SGMS2: variants seen among roughly 807,000 people sequenced by gnomAD.
SGMS2 encodes sphingomyelin synthase 2, also known as phosphatidylcholine:ceramide cholinephosphotransferase 2.
A neutral mutation model predicts 43.8 loss-of-function variants in SGMS2; 21 were observed. The ratio of observed to expected loss-of-function variants is 0.48; its 90% confidence interval spans 0.34 to 0.69. The LOEUF is 0.69. Among genes scored for constraint, SGMS2 ranks in the 30% least tolerant of loss-of-function variants. The pLI is 0.01. For missense variants in SGMS2, 384 were observed against 443.2 expected (o/e 0.87, Z 1.20); for synonymous variants, 167 against 160.6 (o/e 1.04, Z -0.30).
At chr4:107,828,647 A>G (rs915700505) in intron 1 of SGMS2, among the ~76,000 whole-genome samples, 2 of 152,242 alleles carry the variant, frequency 1.3e-5, no homozygotes, top group African/African-American at 4.8e-5. Context: ...ATGTCTGTGT[A>G]CACATTCTTG....
intron 4 of SGMS2, 96 bp from the exon 5 acceptor site, chr4:107,903,137 C>A: frequency 8.3e-7 from 1 of 1,198,684 alleles, no homozygotes; most frequent in Non-Finnish European, 1.2e-6. Context: ...AAAAAAAAAT[C>A]ACAACCTGGT....
rs143910950 is a variant in SGMS2 at position 107,914,496 on chromosome 4, G to A, written c.*3943G>A. 6.6e-6 allele frequency: 1 copy of A among 152,144 alleles called. No homozygotes were observed. The highest frequency in any genetic ancestry group is 2.4e-5 in the African/African-American group (1 of 41,528). The allele number at this position is 152,144 out of a possible 1,614,324, so 9.4% of individuals were successfully genotyped here. A position where few individuals can be genotyped will look rare whatever the true frequency, so the allele number is the denominator to read the frequency against. On this transcript the variant is annotated 3_prime_UTR_variant, in exon 7 of 7. Coordinates refer to ENST00000690982, the MANE Select transcript of SGMS2 (RefSeq NM_001375905.1). ...ATTCACAAAAGAAATATTATTACAA[G>A]GTTTCAGAGGTAGCCAATTGCATTC... is the stretch of plus-strand genomic sequence containing the variant.
rs537350997 is a variant in SGMS2 at position 107,827,436 on chromosome 4, G to A, written c.-327+2183G>A. On this transcript the variant is annotated intron_variant, in intron 1 of 6. Transcript: ENST00000690982. ...GGAGTCAAAAAAGGAGAGTGCTGGG[G>A]ACTTGGGAAGAGACAAGAAGTGATT... is the stretch of plus-strand genomic sequence containing the variant. Among the ~76,000 whole-genome samples the A allele has an allele frequency of 5.3e-5, 8 of 152,240 alleles. No individual in the cohort carries two copies. In the South Asian group the frequency reaches 1.7e-3, roughly 32 times the overall value.
At chr4:107,872,923 A>C (rs1728652427) in intron 2 of SGMS2, among the ~76,000 whole-genome samples, 1 of 152,174 alleles carries the variant, frequency 6.6e-6, no homozygotes, top group Admixed American at 6.6e-5. Context: ...ATCCAGAATC[A>C]CTTATCCACA....
chr4:107,869,544 G>T (rs1287002659), intron 2 of SGMS2, among the ~76,000 whole-genome samples: 2 of 152,108 alleles, frequency 1.3e-5, no homozygotes, highest in South Asian at 4.1e-4. Flanking sequence ...GATGTCAGAA[G>T]GACATGCCAC....
At chr4:107,840,992 A>G (rs1013603483) in intron 1 of SGMS2, among the ~76,000 whole-genome samples, 1 of 152,216 alleles carries the variant, frequency 6.6e-6, no homozygotes, top group East Asian at 1.9e-4. Context: ...TGTGGTCCCT[A>G]CCATCATGGA....
chr4:107,885,284 A>C (rs1729661021), intron 2 of SGMS2, among the ~76,000 whole-genome samples: 2 of 152,204 alleles, frequency 1.3e-5, no homozygotes, highest in South Asian at 4.1e-4. Flanking sequence ...ATTTAAAATT[A>C]GAAAATGATT....
At chr4:107,841,111 C>T (rs1379210114) in intron 1 of SGMS2, among the ~76,000 whole-genome samples, 2 of 152,170 alleles carry the variant, frequency 1.3e-5, no homozygotes, top group African/African-American at 4.8e-5. Context: ...GAGAGACCCA[C>T]TTTAAAGAGT....
In SGMS2 at chr4:107,903,342, G is replaced by A. The variant is rs780753323; in HGVS notation, c.683G>A (p.Gly228Asp). ...TTATGTGGAGACTTCCTCTTCAGCG[G>A]TCACACGGTTACGCTGACACTGACT... is the stretch of plus-strand genomic sequence containing the variant. Reference protein sequence around the residue: ...HILCGDFLFSGHTVTLTLTYL... With the variant: ...HILCGDFLFSDHTVTLTLTYL... The change falls in exon 5 of 7, where the codon GGT (glycine) becomes GAT (aspartate). Residue 228 changes from glycine to aspartate, a missense_variant. Physicochemically the swap from Gly to Asp is moderately conservative, Grantham distance 94 (BLOSUM62 -1). Coordinates refer to ENST00000690982, the MANE Select transcript of SGMS2 (RefSeq NM_001375905.1). The A allele has an allele frequency of 1.9e-6, 3 of 1,613,880 alleles. No individual in the cohort carries two copies. Among genetic ancestry groups the A allele is most frequent in the Non-Finnish European group, 2.5e-6 (3 of 1,179,822 alleles).
intron 5 of SGMS2, among the ~76,000 whole-genome samples, chr4:107,905,161 G>GT (rs2126148987): frequency 6.6e-6 from 1 of 152,302 alleles, no homozygotes; most frequent in Non-Finnish European, 1.5e-5. Flanking sequence ...AGAAAAAGTG[G>GT]TTTAGTGGAC....
chr4:107,904,753 A>G (rs1174258116), intron 5 of SGMS2, among the ~76,000 whole-genome samples: 1 of 152,106 alleles, frequency 6.6e-6, no homozygotes, highest in East Asian at 1.9e-4. Flanking sequence ...TCTTCCTTAA[A>G]TTTAGTCACT....
intron 1 of SGMS2, among the ~76,000 whole-genome samples, chr4:107,828,011 A>G (rs551548992): frequency 6.6e-6 from 1 of 152,072 alleles, no homozygotes; most frequent in Non-Finnish European, 1.5e-5. Flanking sequence ...AAAACAAAAA[A>G]AGATTTATTT....
chr4:107,890,167 T>A (rs1163371879), intron 2 of SGMS2, among the ~76,000 whole-genome samples: 1 of 152,180 alleles, frequency 6.6e-6, no homozygotes, highest in Non-Finnish European at 1.5e-5. Flanking sequence ...GTTTAAAAGC[T>A]GAGATGAACT....
At position 107,845,445 on chromosome 4, in the gene SGMS2, C is replaced by T. The variant is rs552755691; in HGVS notation, c.-326-13027C>T. On this transcript the variant is annotated intron_variant, in intron 1 of 6. Transcript: ENST00000690982. ...TTCCTCTGTTGTGTGTGGTTTGTAC[C>T]CCAACATTCTCAACATAATCAGCTG... Among the ~76,000 whole-genome samples, 22 of 152,194 alleles carry T rather than the reference C, an allele frequency of 1.4e-4. 1 individual carries two copies. The South Asian group carries it at 3.7e-3, about 26-fold the overall frequency.
chr4:107,899,647 T>C lies in SGMS2; in HGVS notation c.528T>C (p.Val176=), dbSNP rs1217742744. 1 of 1,613,372 alleles carries C rather than the reference T, an allele frequency of 6.2e-7. No homozygotes were observed. The change falls in exon 4 of 7, where the codon GTT becomes GTC. Residue 176 remains valine, a synonymous_variant. Coordinates refer to ENST00000690982, the MANE Select transcript of SGMS2 (RefSeq NM_001375905.1). ...LYLYRCITMY[V]TTLPVPGMHF... is the part of the protein sequence containing the mutation. ...TGTATCGCTGCATTACAATGTATGT[T>C]ACTACTCTACCTGTGCCTGGAATGC... is the stretch of plus-strand genomic sequence containing the variant.
intron 2 of SGMS2, among the ~76,000 whole-genome samples, chr4:107,870,605 A>G (rs1200400277): frequency 1.3e-5 from 2 of 152,174 alleles, no homozygotes; most frequent in South Asian, 2.1e-4. Flanking sequence ...GATTTCCTCT[A>G]AAGTATAGAT....
intron 1 of SGMS2, among the ~76,000 whole-genome samples, chr4:107,855,337 A>C (rs755085647): frequency 1.9e-4 from 29 of 152,132 alleles, no homozygotes; most frequent in Non-Finnish European, 1.3e-4. Context: ...TGGTGCTATA[A>C]AATTCCCTCG....
chr4:107,834,649 A>T (rs958838997), intron 1 of SGMS2, among the ~76,000 whole-genome samples: 2 of 152,214 alleles, frequency 1.3e-5, no homozygotes, highest in African/African-American at 4.8e-5. Context: ...AAAAGGTGAC[A>T]TCATTCATTG....
At chr4:107,899,063 T>A (rs1467698785) in intron 3 of SGMS2, among the ~76,000 whole-genome samples, 1 of 152,216 alleles carries the variant, frequency 6.6e-6, no homozygotes, top group Non-Finnish European at 1.5e-5. Flanking sequence ...TAAACCCTGC[T>A]TATATACCGT....
Sources: gnomAD v4.1 joint callset for allele counts (sites outside exome capture counted in the v4.1 genomes callset) on GRCh38, gnomAD v4.1.1 for gene constraint, MANE v1.5 for transcripts, NCBI Gene and HGNC (gene_info 2026-07-23, HGNC 2026-07-21) for gene names.